The following STK35 variants were observed in gnomAD, a reference collection of about 807,000 sequenced individuals.
The protein encoded by STK35 is serine/threonine kinase 35.
STK35 carries 17 observed loss-of-function variants against 37.3 expected under a neutral mutation model. That is an observed-to-expected ratio of 0.46 (90% CI 0.31 to 0.68). The LOEUF is 0.68. Ranked by LOEUF, STK35 falls within the 30% of genes least tolerant of loss-of-function variation. STK35 has a pLI of 0.05. For synonymous variants in STK35, 385 were observed against 319.1 expected (o/e 1.21, Z -2.20); for missense variants, 595 against 746.7 (o/e 0.80, Z 2.37).
intron 2 of STK35, among the ~76,000 whole-genome samples, chr20:2,106,737 G>A (rs539468690): frequency 6.6e-6 from 1 of 152,180 alleles, no homozygotes; most frequent in African/African-American, 2.4e-5. Flanking sequence ...GCTGTTCTTG[G>A]TCTTACCCCA....
intron 2 of STK35, among the ~76,000 whole-genome samples, chr20:2,104,786 C>T (rs1371000146): frequency 2.0e-5 from 3 of 152,108 alleles, no homozygotes; most frequent in African/African-American, 4.8e-5. Context: ...AGATGTCTAA[C>T]TTTATAAAGT....
At chr20:2,105,156 CA>C (rs36092926) in intron 2 of STK35, among the ~76,000 whole-genome samples, 47,198 of 126,108 alleles carry the variant, frequency 0.37, 7,645 homozygotes, top group Middle Eastern at 0.44. Flanking sequence ...GACCCTGTCT[CA>C]AAAAAAAAAA....
intron 3 of STK35, among the ~76,000 whole-genome samples, chr20:2,142,460 C>A (rs185890022): frequency 6.6e-6 from 1 of 152,162 alleles, no homozygotes; most frequent in Non-Finnish European, 1.5e-5. Context: ...AAGAAAGGCA[C>A]GCACAGTGAA....
chr20:2,134,961 C>T (rs1986061476), intron 3 of STK35, among the ~76,000 whole-genome samples: 1 of 152,156 alleles, frequency 6.6e-6, no homozygotes, highest in Non-Finnish European at 1.5e-5. Context: ...TTTGCAGAAC[C>T]TGTGCATCCT....
chr20:2,103,906 A>G (rs1985461886), intron 2 of STK35, among the ~76,000 whole-genome samples: 1 of 152,024 alleles, frequency 6.6e-6, no homozygotes, highest in Admixed American at 6.5e-5. Context: ...CCGGCCCTTC[A>G]TCCCAGGCAG....
intron 2 of STK35, among the ~76,000 whole-genome samples, chr20:2,106,367 G>A (rs1443528543): frequency 1.3e-5 from 2 of 152,194 alleles, no homozygotes; most frequent in Admixed American, 1.3e-4. Context: ...CAAAAAGTGT[G>A]AATCTGCCTT....
At chr20:2,116,010 C>G (rs944205664) in intron 2 of STK35, among the ~76,000 whole-genome samples, 4 of 151,654 alleles carry the variant, frequency 2.6e-5, no homozygotes, top group African/African-American at 9.8e-5. Context: ...CGATGTACAG[C>G]TTTTGATGGT....
chr20:2,102,262 C>G, intron 1 of STK35, 87 bp downstream of exon 1: 1 of 1,373,496 alleles, frequency 7.3e-7, no homozygotes, highest in East Asian at 2.9e-5. Context: ...AAATCGGGTC[C>G]TCGGCCAGTC....
In STK35 at chr20:2,102,114, AT is replaced by A; in HGVS notation, c.234del (p.Gln80ArgfsTer85). 7.0e-7 allele frequency: 1 copy of A among 1,434,838 alleles called. No individual in the cohort carries two copies. Among genetic ancestry groups the A allele is most frequent in the Non-Finnish European group, 9.2e-7 (1 of 1,092,152 alleles). 88.9% of individuals were successfully genotyped at this position (1,434,838 alleles called of 1,614,324 possible). On this transcript the variant is annotated frameshift_variant, in exon 1 of 4. Transcript: ENST00000381482. LOFTEE classifies it high-confidence loss of function. ...AGGCAGCCCGGGCCCGGAGCGGACCATCCCCAGGCAGGGGCTCCAGGGGGGA... is the reference window on the plus strand; with the variant it reads ...AGGCAGCCCGGGCCCGGAGCGGACCACCCCAGGCAGGGGCTCCAGGGGGGA... Reference protein sequence around the residue: ...SRRQPGPGADHPQAGAPGGKR... With the variant: ...SRRQPGPGADXPQAGAPGGKR...
At position 2,131,527 on chromosome 20, in the gene STK35, G is replaced by A. The variant is rs572796128; in HGVS notation, c.*38-12257G>A. 2.7e-3 allele frequency among the ~76,000 whole-genome samples: 409 copies of A among 151,994 alleles called. 1 individual carries two copies. The highest frequency in any genetic ancestry group is 4.2e-3 in the Non-Finnish European group (283 of 67,988). On this transcript the variant is annotated intron_variant, in intron 3 of 3. Coordinates refer to ENST00000381482, the MANE Select transcript of STK35 (RefSeq NM_080836.4). ...CTATATAGGGCACTTACTATGAATA[G>A]AGCTTGCAGGACTAGAAGTTGCTCT...
chr20:2,145,785 G>T lies in STK35; in HGVS notation c.*2039G>T. ...CGCCCGCCACCCTGCCTTTCCTTGG[G>T]GGCAGCTGTCTCTCTGTACATGAGC... On this transcript the variant is annotated 3_prime_UTR_variant, in exon 4 of 4. Coordinates refer to ENST00000381482, the MANE Select transcript of STK35 (RefSeq NM_080836.4). 1 of 152,236 alleles carries T rather than the reference G, an allele frequency of 6.6e-6. No individual in the cohort carries two copies. 9.4% of individuals were successfully genotyped at this position (152,236 alleles called of 1,614,324 possible). A position where few individuals can be genotyped will look rare whatever the true frequency, so the allele number is the denominator to read the frequency against.
At chr20:2,114,096 T>G (rs929516295) in intron 2 of STK35, among the ~76,000 whole-genome samples, 10 of 152,140 alleles carry the variant, frequency 6.6e-5, no homozygotes, top group African/African-American at 2.2e-4. Context: ...TCCTTCCATC[T>G]GGTCGTGAGG....
chr20:2,142,358 G>A (rs1986185841), intron 3 of STK35, among the ~76,000 whole-genome samples: 1 of 152,184 alleles, frequency 6.6e-6, no homozygotes, highest in African/African-American at 2.4e-5. Context: ...GACTGGCCAG[G>A]TCCCTTCCCA....
chr20:2,104,106 A>C (rs939361434), intron 2 of STK35, among the ~76,000 whole-genome samples: 2 of 152,188 alleles, frequency 1.3e-5, no homozygotes, highest in African/African-American at 4.8e-5. Flanking sequence ...AATGGGGTAC[A>C]TTGAGGCAAG....
At position 2,148,024 on chromosome 20, in the gene STK35, A is replaced by C. The variant is rs947490231; in HGVS notation, c.*4278A>C. ...GTGTGGCATTGAATTGGCCAGTGTT[A>C]GCATCTACAGCCATCACCGAGATGA... is the stretch of plus-strand genomic sequence containing the variant. On this transcript the variant is annotated 3_prime_UTR_variant, in exon 4 of 4. Coordinates refer to ENST00000381482, the MANE Select transcript of STK35 (RefSeq NM_080836.4). 36 of 149,474 alleles carry C rather than the reference A, an allele frequency of 2.4e-4. No homozygotes were observed. Among genetic ancestry groups the C allele is most frequent in the African/African-American group, 8.8e-4 (36 of 41,096 alleles). The allele number at this position is 149,474 out of a possible 1,614,324, so 9.3% of individuals were successfully genotyped here.
At position 2,103,172 on chromosome 20, in the gene STK35, C is replaced by A. The variant is rs368298980; in HGVS notation, c.699C>A (p.Ile233=). The change falls in exon 2 of 4, where the codon ATC becomes ATA. Residue 233 remains isoleucine, a synonymous_variant. Transcript: ENST00000381482. ...RSGARVAVKK[I]RCDAPENVEL... is the part of the protein sequence containing the mutation. ...GGGCCCGGGTGGCGGTCAAGAAGATCCGCTGCGACGCCCCCGAGAACGTGG... is the reference window on the plus strand; with the variant it reads ...GGGCCCGGGTGGCGGTCAAGAAGATACGCTGCGACGCCCCCGAGAACGTGG... The A allele has an allele frequency of 1.1e-5, 18 of 1,607,150 alleles. No individual in the cohort carries two copies. Among genetic ancestry groups the A allele is most frequent in the Admixed American group, 3.3e-5 (2 of 59,716 alleles).
chr20:2,112,500 G>A (rs1373260885), intron 2 of STK35, among the ~76,000 whole-genome samples: 1 of 152,102 alleles, frequency 6.6e-6, no homozygotes, highest in East Asian at 1.9e-4. Flanking sequence ...TGCCTCTCTT[G>A]GAAGAACACT....
chr20:2,134,286 G>A (rs899045779), intron 3 of STK35, among the ~76,000 whole-genome samples: 1 of 150,626 alleles, frequency 6.6e-6, no homozygotes, highest in African/African-American at 2.4e-5. Flanking sequence ...AAGATGGGGC[G>A]GGTCTCGGGT....
At chr20:2,103,423 C>T (rs1290129872) in intron 2 of STK35, 58 bp downstream of exon 2, 4 of 1,525,560 alleles carry the variant, frequency 2.6e-6, no homozygotes, top group South Asian at 2.4e-5. Context: ...GCTCTCCGGA[C>T]GGCTTGGCCC....
Sources: gnomAD v4.1 joint callset for allele counts (sites outside exome capture counted in the v4.1 genomes callset) on GRCh38, gnomAD v4.1.1 for gene constraint, MANE v1.5 for transcripts, NCBI Gene and HGNC (gene_info 2026-07-23, HGNC 2026-07-21) for gene names.